Variants in MEF2C observed in about 807,000 individuals in gnomAD.
MEF2C encodes the protein myocyte enhancer factor 2C.
A neutral mutation model predicts 50.5 loss-of-function variants in MEF2C; 6 were observed. That is an observed-to-expected ratio of 0.12 (90% CI 0.07 to 0.23). The LOEUF (loss-of-function observed/expected upper bound fraction) is 0.23. Among genes scored for constraint, MEF2C ranks in the 10% least tolerant of loss-of-function variants. The pLI is 1.00. For missense variants in MEF2C, 276 were observed against 605.0 expected, an observed-to-expected ratio of 0.46 and a Z score of 5.70; for synonymous variants, 183 against 228.0, an observed-to-expected ratio of 0.80 and a Z score of 1.78.
At chr5:88,737,190 GTCTCT>G in intron 6 of MEF2C, 2 of 985,268 alleles carry the variant, frequency 2.0e-6, no homozygotes, top group Non-Finnish European at 2.4e-6. Flanking sequence ...AACATCAAGG[GTCTCT>G]TCTCTTTATG....
intron 1 of MEF2C, chr5:88,892,385 A>G (rs1045884479): frequency 6.6e-6 from 1 of 152,266 alleles, no homozygotes; most frequent in African/African-American, 2.4e-5. Flanking sequence ...TTAAGGATTA[A>G]ATGAGCTATT....
chr5:88,810,963 T>A (rs956226842), intron 2 of MEF2C, among the ~76,000 whole-genome samples: 1 of 152,136 alleles, frequency 6.6e-6, no homozygotes, highest in Non-Finnish European at 1.5e-5. Flanking sequence ...TTCATATTTT[T>A]AAAAAACAAT....
intron 3 of MEF2C, among the ~76,000 whole-genome samples, chr5:88,766,343 T>C (rs1780038611): frequency 6.6e-6 from 1 of 152,224 alleles, no homozygotes; most frequent in Non-Finnish European, 1.5e-5. Context: ...TAGAAAATCC[T>C]TTTCTTATGC....
chr5:88,731,059 T>A (rs979597769), intron 7 of MEF2C, among the ~76,000 whole-genome samples: 2 of 152,294 alleles, frequency 1.3e-5, no homozygotes, highest in African/African-American at 4.8e-5. Flanking sequence ...ATAACCTCTA[T>A]TTAAAATTTC....
chr5:88,750,116 T>C (rs745949944), intron 5 of MEF2C: 54 of 855,042 alleles, frequency 6.3e-5, no homozygotes, highest in Non-Finnish European at 7.6e-5. Flanking sequence ...ATTTTCTAAT[T>C]GCCTCTAAGT....
chr5:88,816,596 C>T (rs2067830), intron 2 of MEF2C, among the ~76,000 whole-genome samples: 4,078 of 150,416 alleles, frequency 0.027, 178 homozygotes, highest in African/African-American at 0.092. Flanking sequence ...AAAACTTTTC[C>T]CTTGGTAATT....
chr5:88,861,646 C>T (rs1825573833), intron 1 of MEF2C, among the ~76,000 whole-genome samples: 4 of 152,098 alleles, frequency 2.6e-5, no homozygotes, highest in Admixed American at 6.5e-5. Context: ...ATAAATATGC[C>T]CCTTTTCTGC....
At chr5:88,873,671 T>C (rs1448477019) in intron 1 of MEF2C, among the ~76,000 whole-genome samples, 1 of 149,092 alleles carries the variant, frequency 6.7e-6, no homozygotes, top group Non-Finnish European at 1.5e-5. Flanking sequence ...CTGAGTATCT[T>C]ACTCAGCCTT....
intron 3 of MEF2C, chr5:88,768,619 T>C: frequency 1.1e-6 from 1 of 920,960 alleles, no homozygotes; most frequent in Non-Finnish European, 1.3e-6. Context: ...TGGCAAGTGG[T>C]CGGAACTTAC....
intron 3 of MEF2C, among the ~76,000 whole-genome samples, chr5:88,795,129 CTT>C (rs1029410426): frequency 2.6e-5 from 4 of 152,050 alleles, no homozygotes; most frequent in Non-Finnish European, 5.9e-5. Context: ...TATACGGGCT[CTT>C]TTTTGGTTCC....
At chr5:88,731,512 C>G in intron 7 of MEF2C, 1 of 481,220 alleles carries the variant, frequency 2.1e-6, no homozygotes, top group Non-Finnish European at 3.7e-6. Context: ...TAGTGAAGTT[C>G]ACCAGATATA....
chr5:88,874,356 G>A (rs1160973207), intron 1 of MEF2C, among the ~76,000 whole-genome samples: 1 of 151,828 alleles, frequency 6.6e-6, no homozygotes, highest in Non-Finnish European at 1.5e-5. Context: ...AGAAAATAAA[G>A]AAATCTCTTA....
chr5:88,867,560 G>A (rs989982675), intron 1 of MEF2C, among the ~76,000 whole-genome samples: 20 of 151,900 alleles, frequency 1.3e-4, no homozygotes, highest in East Asian at 1.9e-4. Flanking sequence ...TCAAGTATAC[G>A]GTATGCTCTC....
At chr5:88,837,161 T>C (rs1815486542) in intron 1 of MEF2C, among the ~76,000 whole-genome samples, 1 of 152,180 alleles carries the variant, frequency 6.6e-6, no homozygotes, top group South Asian at 2.1e-4. Flanking sequence ...ATGCTAGCTT[T>C]AAAGAAAATA....
At chr5:88,858,277 T>C (rs1035346663) in intron 1 of MEF2C, among the ~76,000 whole-genome samples, 20 of 152,178 alleles carry the variant, frequency 1.3e-4, no homozygotes, top group African/African-American at 4.8e-4. Flanking sequence ...TTTTTTCCTG[T>C]CTCTCATATA....
chr5:88,757,847 C>T (rs370446365), intron 4 of MEF2C, among the ~76,000 whole-genome samples: 2 of 152,004 alleles, frequency 1.3e-5, no homozygotes, highest in Non-Finnish European at 2.9e-5. Context: ...ACATGGGAGG[C>T]GGAGGTTGAG....
intron 3 of MEF2C, among the ~76,000 whole-genome samples, chr5:88,795,973 C>A (rs181846362): frequency 3.3e-5 from 5 of 152,306 alleles, no homozygotes; most frequent in Non-Finnish European, 7.3e-5. Context: ...TCCAGCCTTG[C>A]ATCCCAGGGA....
chr5:88,891,163 G>A (rs1309536282), intron 1 of MEF2C, among the ~76,000 whole-genome samples: 2 of 152,164 alleles, frequency 1.3e-5, no homozygotes, highest in East Asian at 3.8e-4. Flanking sequence ...TTTTCTAAGA[G>A]GCTAATTGGG....
intron 3 of MEF2C, among the ~76,000 whole-genome samples, chr5:88,792,487 CT>C (rs1217114825): frequency 1.3e-5 from 2 of 152,152 alleles, no homozygotes; most frequent in Non-Finnish European, 2.9e-5. Flanking sequence ...GAAGTGACTC[CT>C]CAAATTTTAT....
Sources: gnomAD v4.1 joint callset for allele counts (sites outside exome capture counted in the v4.1 genomes callset) on GRCh38, gnomAD v4.1.1 for gene constraint, MANE v1.5 for transcripts, NCBI Gene and HGNC (gene_info 2026-07-23, HGNC 2026-07-21) for gene names.